OPCML: variants seen among roughly 807,000 people sequenced by gnomAD.
The protein encoded by OPCML is opioid binding protein/cell adhesion molecule like.
In OPCML, 13 loss-of-function variants were observed where a neutral mutation model predicts 37.8. The observed-to-expected ratio is 0.34, with a 90% CI of 0.22 to 0.55. The LOEUF (loss-of-function observed/expected upper bound fraction) is 0.55, where lower values mean the gene tolerates loss of function less well. Ranked by LOEUF, OPCML falls within the 20% of genes least tolerant of loss-of-function variation. The pLI, the probability that OPCML is intolerant of heterozygous loss-of-function variation, is 0.91. For synonymous variants in OPCML, 176 were observed against 168.8 expected (o/e 1.04, Z -0.33); for missense variants, 341 against 435.6 (o/e 0.78, Z 1.93).
rs921285445 is a variant in OPCML at position 133,265,177 on chromosome 11, C to T, written c.61+267087G>A. 2.0e-5 allele frequency among the ~76,000 whole-genome samples: 3 copies of T among 152,282 alleles called. No individual in the cohort carries two copies. In the East Asian group the frequency reaches 5.8e-4, roughly 29 times the overall value. On this transcript the variant is annotated intron_variant, in intron 1 of 7. Coordinates refer to ENST00000524381, the MANE Select transcript of OPCML (RefSeq NM_001012393.5). Reference sequence around the variant, plus strand: ...GAGGGACAGTTCCCAAGCGTCACATCTCCCTGCCGCTTCATCCTCCTGAAA... The same window carrying T: ...GAGGGACAGTTCCCAAGCGTCACATTTCCCTGCCGCTTCATCCTCCTGAAA...
chr11:132,436,217 C>G lies in OPCML; in HGVS notation c.785G>C (p.Gly262Ala). 1 of 1,614,218 alleles carries G rather than the reference C, an allele frequency of 6.2e-7. No individual in the cohort carries two copies. ...GCGGCCTTTGTTTTCAATCCTCATT[C>G]CATCCAGACCAGTGGCTAACCTGCA... is the stretch of plus-strand genomic sequence containing the variant. Reference protein sequence around the residue: ...EETRLATGLDGMRIENKGRMS... With the variant: ...EETRLATGLDAMRIENKGRMS... Residue 262 changes from glycine (G) to alanine (A), a missense_variant, in exon 7 of 8, where the codon GGA becomes GCA. Transcript: ENST00000524381.
At chr11:132,661,060 T>G (rs79086677) in intron 2 of OPCML, among the ~76,000 whole-genome samples, 2,114 of 152,130 alleles carry the variant, frequency 0.014, 42 homozygotes, top group African/African-American at 0.038. Context: ...GGGTGGACTT[T>G]GAAAAAGGGC....
intron 4 of OPCML, among the ~76,000 whole-genome samples, chr11:132,511,062 G>C (rs956264614): frequency 2.6e-5 from 4 of 152,072 alleles, no homozygotes; most frequent in Non-Finnish European, 4.4e-5. Context: ...TATCATTTAT[G>C]TAAAAAATCT....
chr11:132,472,180 T>G (rs981949853), intron 4 of OPCML, among the ~76,000 whole-genome samples: 1 of 152,206 alleles, frequency 6.6e-6, no homozygotes, highest in Non-Finnish European at 1.5e-5. Flanking sequence ...TTCTCTGCAC[T>G]TGGTGAAAGT....
intron 3 of OPCML, among the ~76,000 whole-genome samples, chr11:132,644,150 T>C (rs1941017551): frequency 6.6e-6 from 1 of 152,184 alleles, no homozygotes; most frequent in African/African-American, 2.4e-5. Context: ...CCAATAACAA[T>C]GCTATAATTA....
intron 1 of OPCML, among the ~76,000 whole-genome samples, chr11:133,209,231 G>T (rs1324205122): frequency 6.6e-6 from 1 of 152,188 alleles, no homozygotes; most frequent in Admixed American, 6.5e-5. Context: ...TGTGAGACAT[G>T]TTTACCCCTA....
At chr11:132,953,881 G>A (rs920023407) in intron 1 of OPCML, among the ~76,000 whole-genome samples, 2 of 152,182 alleles carry the variant, frequency 1.3e-5, no homozygotes, top group African/African-American at 4.8e-5. Context: ...CAAAATGTAT[G>A]TAAGGTGGCT....
intron 1 of OPCML, among the ~76,000 whole-genome samples, chr11:133,023,096 C>A (rs1284189397): frequency 6.6e-6 from 1 of 152,214 alleles, no homozygotes; most frequent in East Asian, 1.9e-4. Flanking sequence ...TTAACATAAA[C>A]CTGCTTGCTC....
At chr11:133,083,332 C>T (rs974870637) in intron 1 of OPCML, among the ~76,000 whole-genome samples, 2 of 152,142 alleles carry the variant, frequency 1.3e-5, no homozygotes, top group Non-Finnish European at 2.9e-5. Flanking sequence ...TCCGAGGCCC[C>T]GCGACCGCAT....
At chr11:132,522,259 A>G (rs575993990) in intron 4 of OPCML, among the ~76,000 whole-genome samples, 3 of 152,326 alleles carry the variant, frequency 2.0e-5, no homozygotes, top group East Asian at 3.9e-4. Context: ...CCTATCACAA[A>G]TAAAACTGCT....
At chr11:132,640,477 A>C (rs1197570525) in intron 3 of OPCML, among the ~76,000 whole-genome samples, 1 of 152,192 alleles carries the variant, frequency 6.6e-6, no homozygotes, top group Non-Finnish European at 1.5e-5. Context: ...ATATGCCTGA[A>C]TCAATTTGTT....
At chr11:132,514,704 A>G (rs2137203942) in intron 4 of OPCML, among the ~76,000 whole-genome samples, 1 of 152,318 alleles carries the variant, frequency 6.6e-6, no homozygotes, top group East Asian at 1.9e-4. Context: ...TCTGGGACAG[A>G]AAATCCTGCC....
intron 3 of OPCML, among the ~76,000 whole-genome samples, chr11:132,639,033 T>C (rs1018673370): frequency 1.3e-5 from 2 of 152,314 alleles, no homozygotes; most frequent in Non-Finnish European, 2.9e-5. Flanking sequence ...CTCACCGTAC[T>C]GCTTTCTTGT....
At chr11:132,918,252 T>C (rs1565962822) in intron 2 of OPCML, among the ~76,000 whole-genome samples, 1 of 152,194 alleles carries the variant, frequency 6.6e-6, no homozygotes, top group Non-Finnish European at 1.5e-5. Flanking sequence ...GTGAAGTGCA[T>C]ATAAAGGGCA....
intron 1 of OPCML, among the ~76,000 whole-genome samples, chr11:133,259,704 A>G (rs1283393974): frequency 1.3e-5 from 2 of 152,262 alleles, no homozygotes; most frequent in African/African-American, 4.8e-5. Flanking sequence ...ACAGTAAAAA[A>G]TAGAATGTTA....
At chr11:133,264,145 G>A (rs920335658) in intron 1 of OPCML, among the ~76,000 whole-genome samples, 6 of 152,122 alleles carry the variant, frequency 3.9e-5, no homozygotes, top group East Asian at 1.9e-4. Flanking sequence ...TGGCAGGTGC[G>A]TGAAATGTAA....
chr11:132,596,837 T>C (rs955950753), intron 3 of OPCML, among the ~76,000 whole-genome samples: 1 of 152,232 alleles, frequency 6.6e-6, no homozygotes, highest in Non-Finnish European at 1.5e-5. Context: ...AATAGGTATG[T>C]CATAAATTGA....
chr11:132,970,950 G>T (rs995532703), intron 1 of OPCML, among the ~76,000 whole-genome samples: 1 of 152,136 alleles, frequency 6.6e-6, no homozygotes, highest in African/African-American at 2.4e-5. Context: ...ATTAAACTGT[G>T]CATTGTTTTC....
chr11:133,066,631 T>C (rs1948444693), intron 1 of OPCML: 1 of 152,418 alleles, frequency 6.6e-6, no homozygotes, highest in Admixed American at 6.5e-5. Context: ...CCACCTCGTG[T>C]TCTGTCTCCC....
Sources: gnomAD v4.1 joint callset for allele counts (sites outside exome capture counted in the v4.1 genomes callset) on GRCh38, gnomAD v4.1.1 for gene constraint, MANE v1.5 for transcripts, NCBI Gene and HGNC (gene_info 2026-07-23, HGNC 2026-07-21) for gene names.